The following KCNN1 variants were observed in gnomAD, a reference collection of about 807,000 sequenced individuals.
KCNN1 encodes the protein small conductance calcium-activated potassium channel protein 1.
KCNN1 carries 20 observed loss-of-function variants against 44.7 expected under a neutral mutation model. The ratio of observed to expected loss-of-function variants is 0.45; its 90% confidence interval spans 0.32 to 0.65. KCNN1 has a LOEUF of 0.65. KCNN1 is among the 30% of genes least tolerant of loss of function. KCNN1 has a pLI of 0.05. For missense variants in KCNN1, 632 were observed against 785.3 expected (o/e 0.80, Z 2.33); for synonymous variants, 324 against 341.7 (o/e 0.95, Z 0.57).
intron 3 of KCNN1, among the ~76,000 whole-genome samples, chr19:17,976,415 T>G (rs1295309378): frequency 2.6e-5 from 4 of 152,034 alleles, no homozygotes; most frequent in Non-Finnish European, 5.9e-5. Flanking sequence ...TGGACAATTA[T>G]TCAACCTTTT....
chr19:17,992,937 C>T (rs1169508441), intron 7 of KCNN1, 117 bp from the exon 8 acceptor site: 13 of 1,335,808 alleles, frequency 9.7e-6, no homozygotes, highest in East Asian at 2.5e-5. Flanking sequence ...GGGAACCCCG[C>T]GCGGGGCCCT....
rs558343940 is a variant in KCNN1, at chr19:17,985,324, G to T, written c.930G>T (p.Lys310Asn). 11 of 1,602,254 alleles carry T rather than the reference G, an allele frequency of 6.9e-6. No individual in the cohort carries two copies. The highest frequency in any genetic ancestry group is 9.4e-6 in the Non-Finnish European group (11 of 1,173,372). Residue 310 changes from lysine to asparagine, a missense_variant, in exon 5 of 10, where the codon AAG becomes AAT. Coordinates refer to ENST00000684775, the MANE Select transcript of KCNN1 (RefSeq NM_001386974.1). Reference protein sequence around the residue: ...TVRVCERYHDKQEVTSNFLGA... With the variant: ...TVRVCERYHDNQEVTSNFLGA... ...CTGGCTCCCCCAGGTACCACGACAA[G>T]CAGGAAGTGACCAGCAACTTCCTGG...
Position 17,974,189 on chromosome 19 carries a change from G to A in KCNN1, c.301G>A (p.Glu101Lys). Residue 101 changes from glutamate to lysine, a missense_variant, in exon 2 of 10, where the codon GAG (glutamate) becomes AAG (lysine). Physicochemically the swap from Glu to Lys is moderately conservative, Grantham distance 56. Transcript: ENST00000684775. This position sits in a 1 kb window ranked among gnomAD's most constrained non-coding sequence, Gnocchi z 7.3. Reference sequence around the variant, plus strand: ...CCTGGGCCACCGGCGGGCGCTCTTCGAGAAGCGGAAGCGCCTCAGCGACTA... The same window carrying A: ...CCTGGGCCACCGGCGGGCGCTCTTCAAGAAGCGGAAGCGCCTCAGCGACTA... ...HRLGHRRALF[E>K]KRKRLSDYAL... 1.2e-6 allele frequency: 2 copies of A among 1,612,718 alleles called. No homozygotes were observed. Among genetic ancestry groups the A allele is most frequent in the African/African-American group, 1.3e-5 (1 of 75,038 alleles).
At position 17,993,401 on chromosome 19, in the gene KCNN1, C is replaced by A. The variant is rs1421683901; in HGVS notation, c.1308-89C>A. Reference sequence around the variant, plus strand: ...CCTCTGATGCATGTCCCATAGGTGACCCCGGGTGGGTGCATGAAAGTCCCT... The same window carrying A: ...CCTCTGATGCATGTCCCATAGGTGAACCCGGGTGGGTGCATGAAAGTCCCT... On this transcript the variant is annotated intron_variant, in intron 8 of 9. Coordinates refer to ENST00000684775, the MANE Select transcript of KCNN1 (RefSeq NM_001386974.1). This position sits in a 1 kb window ranked among gnomAD's most constrained non-coding sequence, Gnocchi z 4.5. 1 of 939,856 alleles carries A rather than the reference C, an allele frequency of 1.1e-6. No individual in the cohort carries two copies. Among genetic ancestry groups the A allele is most frequent in the Non-Finnish European group, 1.7e-6 (1 of 590,076 alleles). The allele number at this position is 939,856 out of a possible 1,614,324, so 58.2% of individuals were successfully genotyped here.
At chr19:17,991,827 T>C (rs539040869) in intron 7 of KCNN1, among the ~76,000 whole-genome samples, 2 of 152,322 alleles carry the variant, frequency 1.3e-5, no homozygotes, top group African/African-American at 4.8e-5. Context: ...TCTGTCCCAC[T>C]CTTCAACTCT....
intron 3 of KCNN1, among the ~76,000 whole-genome samples, chr19:17,978,875 C>T (rs1599361744): frequency 1.3e-5 from 2 of 150,872 alleles, no homozygotes; most frequent in South Asian, 4.2e-4. Flanking sequence ...GGCAACGTGG[C>T]GAAACACCGT....
At chr19:17,965,401 G>C (rs140980197), upstream of KCNN1, among the ~76,000 whole-genome samples, 2 of 152,284 alleles carry the variant, frequency 1.3e-5, no homozygotes, top group Non-Finnish European at 2.9e-5. Context: ...TGAGCTGTCA[G>C]GGGCCAGGAG....
chr19:17,993,671 T>C lies in KCNN1; in HGVS notation c.1377+112T>C. 1 of 839,754 alleles carries C rather than the reference T, an allele frequency of 1.2e-6. No homozygotes were observed. The highest frequency in any genetic ancestry group is 2.0e-6 in the Non-Finnish European group (1 of 493,060). The allele number at this position is 839,754 out of a possible 1,614,324, so 52.0% of individuals were successfully genotyped here. A position where few individuals can be genotyped will look rare whatever the true frequency, so the allele number is the denominator to read the frequency against. On this transcript the variant is annotated intron_variant, in intron 9 of 9. Transcript: ENST00000684775. This position sits in a 1 kb window ranked among gnomAD's most constrained non-coding sequence, Gnocchi z 4.5. ...GCACAAGGACCCGCTGTGGGCTGAGTGCAGTGGCGGGCGGATCGCTTGAGC... is the reference window on the plus strand; with the variant it reads ...GCACAAGGACCCGCTGTGGGCTGAGCGCAGTGGCGGGCGGATCGCTTGAGC...
intron 3 of KCNN1, among the ~76,000 whole-genome samples, chr19:17,978,616 A>T (rs572718551): frequency 6.6e-6 from 1 of 150,474 alleles, no homozygotes; most frequent in South Asian, 2.1e-4. Flanking sequence ...ATATACAGAT[A>T]TATAAAACCA....
At chr19:17,980,228 ATTTTTTTTTTTTTTTTTT>A (rs34810089) in intron 3 of KCNN1, among the ~76,000 whole-genome samples, 1 of 44,530 alleles carries the variant, frequency 2.2e-5, no homozygotes, top group Admixed American at 2.9e-4. Flanking sequence ...CACCTAGCTA[ATTTTTTTTTTTTTTTTTT>A]TTTTTTTTTT....
chr19:17,992,654 C>A (rs111485061), intron 7 of KCNN1, among the ~76,000 whole-genome samples: 1 of 152,178 alleles, frequency 6.6e-6, no homozygotes, highest in African/African-American at 2.4e-5. Context: ...AACCAACTCC[C>A]CCTGCGGCCA....
intron 1 of KCNN1, among the ~76,000 whole-genome samples, chr19:17,973,489 C>A (rs2032093716): frequency 6.6e-6 from 1 of 152,170 alleles, no homozygotes; most frequent in Non-Finnish European, 1.5e-5. Context: ...CCATGTTGGC[C>A]AGGCCAGTTT....
Position 17,998,145 on chromosome 19 carries a change from C to T in KCNN1, c.1378-7C>T. 1 of 1,581,144 alleles carries T rather than the reference C, an allele frequency of 6.3e-7. No individual in the cohort carries two copies. Among genetic ancestry groups the T allele is most frequent in the Non-Finnish European group, 8.6e-7 (1 of 1,163,624 alleles). On this transcript the variant is annotated splice_region_variant and splice_polypyrimidine_tract_variant and intron_variant, in intron 9 of 9. Transcript: ENST00000684775. The surrounding 1 kb of genome is among the most constrained non-coding windows in gnomAD (Gnocchi z 5.4). ...GCCTCTCTCCTGCCCCTCTCTGTCT[C>T]CCGCAGACCCAGACCGTCATGTACG... is the stretch of plus-strand genomic sequence containing the variant.
intron 7 of KCNN1, among the ~76,000 whole-genome samples, chr19:17,990,856 C>A (rs1381688369): frequency 6.6e-6 from 1 of 151,564 alleles, no homozygotes. Flanking sequence ...TGCTTGATTC[C>A]CTATGTTGTT....
At chr19:17,967,345 G>A in intron 1 of KCNN1, 28 bp downstream of exon 1, 1 of 980,422 alleles carries the variant, frequency 1.0e-6, no homozygotes, top group Non-Finnish European at 1.2e-6. Flanking sequence ...TGAGGGTGCG[G>A]GAGGATCCAG....
chr19:17,955,825 C>G (rs1474772908), intron 2 of KCNN1, among the ~76,000 whole-genome samples: 1 of 149,064 alleles, frequency 6.7e-6, no homozygotes, highest in East Asian at 2.0e-4. Context: ...TCCCGGCTCT[C>G]GTGGTCTCGC....
At chr19:17,982,254 T>C in intron 4 of KCNN1, 127 bp downstream of exon 4, 1 of 796,768 alleles carries the variant, frequency 1.3e-6, no homozygotes, top group Non-Finnish European at 1.9e-6. Context: ...TCTCCCCGAC[T>C]GCAAGACACC....
chr19:17,972,981 A>G (rs1423507080), intron 1 of KCNN1, among the ~76,000 whole-genome samples: 1 of 152,192 alleles, frequency 6.6e-6, no homozygotes, highest in African/African-American at 2.4e-5. Flanking sequence ...TGTGCAAGGT[A>G]TCAGAGAAGG....
At chr19:17,987,783 G>C (rs2032648355) in intron 5 of KCNN1, among the ~76,000 whole-genome samples, 1 of 148,198 alleles carries the variant, frequency 6.7e-6, no homozygotes, top group African/African-American at 2.5e-5. Flanking sequence ...GATCATTTGA[G>C]GCCAGGTGTC....
Sources: gnomAD v4.1 joint callset for allele counts (sites outside exome capture counted in the v4.1 genomes callset) on GRCh38, gnomAD v4.1.1 for gene constraint, Gnocchi (gnomAD v3.1) non-coding constraint, MANE v1.5 for transcripts, NCBI Gene and HGNC (gene_info 2026-07-23, HGNC 2026-07-21) for gene names.